The following PTPRD variants were observed in gnomAD, a reference collection of about 807,000 sequenced individuals.
PTPRD encodes protein tyrosine phosphatase receptor type D.
PTPRD carries 34 observed loss-of-function variants against 214.5 expected under a neutral mutation model. That is an observed-to-expected ratio of 0.16 (90% CI 0.12 to 0.21). PTPRD has a LOEUF of 0.21. Among genes scored for constraint, PTPRD ranks in the 10% least tolerant of loss-of-function variants. The probability of loss-of-function intolerance (pLI) is 1.00; values close to 1 mark genes in which losing one functional copy is unlikely to be tolerated. For missense variants in PTPRD, 2,545 were observed against 2,398.7 expected (o/e 1.06, Z -1.27); for synonymous variants, 1,128 against 845.7 (o/e 1.33, Z -5.79).
At chr9:9,229,589 G>T (rs1357339313) in intron 9 of PTPRD, among the ~76,000 whole-genome samples, 1 of 152,022 alleles carries the variant, frequency 6.6e-6, no homozygotes, top group Admixed American at 6.6e-5. Context: ...TATTCAAATG[G>T]CTGACAAATA....
intron 42 of PTPRD, 85 bp downstream of exon 42, chr9:8,340,257 CT>C: frequency 7.1e-7 from 1 of 1,413,730 alleles, no homozygotes; most frequent in Non-Finnish European, 9.4e-7. Context: ...AAAAAATGAT[CT>C]AGCACAAGAG....
chr9:9,964,838 TTC>T (rs1369487313), intron 4 of PTPRD, among the ~76,000 whole-genome samples: 7 of 152,136 alleles, frequency 4.6e-5, no homozygotes, highest in South Asian at 2.1e-4. Context: ...TTTGTATGCT[TTC>T]TGTTTCAACC....
At chr9:8,712,544 G>A (rs1174174303) in intron 12 of PTPRD, among the ~76,000 whole-genome samples, 1 of 151,726 alleles carries the variant, frequency 6.6e-6, no homozygotes, top group African/African-American at 2.4e-5. Context: ...CCAGGATCCA[G>A]AACAACAGTC....
At chr9:9,796,675 G>A (rs1030232486) in intron 5 of PTPRD, among the ~76,000 whole-genome samples, 1 of 152,046 alleles carries the variant, frequency 6.6e-6, no homozygotes, top group East Asian at 1.9e-4. Flanking sequence ...AGGTAGGCAA[G>A]AACTAGTAGA....
chr9:8,424,593 G>T (rs543306570), intron 35 of PTPRD, among the ~76,000 whole-genome samples: 68 of 152,114 alleles, frequency 4.5e-4, no homozygotes, highest in South Asian at 3.3e-3. Flanking sequence ...TCTATGGAAA[G>T]ACTATTATGA....
intron 2 of PTPRD, among the ~76,000 whole-genome samples, chr9:10,521,258 A>G (rs1566708743): frequency 1.3e-5 from 2 of 152,132 alleles, no homozygotes; most frequent in Non-Finnish European, 2.9e-5. Flanking sequence ...TCCATGGATG[A>G]AGTTACTACA....
intron 3 of PTPRD, among the ~76,000 whole-genome samples, chr9:10,169,860 T>A (rs553638437): frequency 1.3e-5 from 2 of 152,328 alleles, no homozygotes; most frequent in African/African-American, 4.8e-5. Context: ...CATGCTAGTA[T>A]GCTCAATAGA....
Position 9,333,670 on chromosome 9 carries a change from T to G in PTPRD, c.-203+63779A>C, listed in dbSNP as rs16929175. Among the ~76,000 whole-genome samples the G allele has an allele frequency of 8.3e-4, 126 of 151,630 alleles. 5 individuals are homozygous for G. In the East Asian group the frequency reaches 0.022, roughly 27 times the overall value. On this transcript the variant is annotated intron_variant, in intron 9 of 45. Coordinates refer to ENST00000381196, the MANE Select transcript of PTPRD (RefSeq NM_002839.4). Reference sequence around the variant, plus strand: ...GTATGACTAACATACCATGTAATCTTGAACGTGCCACTTGGTTTCCTGACA... The same window carrying G: ...GTATGACTAACATACCATGTAATCTGGAACGTGCCACTTGGTTTCCTGACA...
At chr9:8,726,588 A>AATATAT (rs1162966341) in intron 12 of PTPRD, among the ~76,000 whole-genome samples, 9 of 9,678 alleles carry the variant, frequency 9.3e-4, no homozygotes, top group African/African-American at 1.6e-3. Context: ...AAAAAAAAAA[A>AATATAT]ATATATATAT....
At chr9:10,164,490 C>T (rs189037698) in intron 3 of PTPRD, among the ~76,000 whole-genome samples, 23 of 151,420 alleles carry the variant, frequency 1.5e-4, no homozygotes, top group African/African-American at 5.3e-4. Flanking sequence ...AAAAAATCTC[C>T]TTTTACAAGG....
At chr9:10,606,468 C>T (rs62535923) in intron 2 of PTPRD, among the ~76,000 whole-genome samples, 15,867 of 151,290 alleles carry the variant, frequency 0.1, 1,139 homozygotes, top group Admixed American at 0.21. Flanking sequence ...ACAGGTTTTT[C>T]GTAAGTGGCC....
chr9:8,863,594 C>A, intron 11 of PTPRD, among the ~76,000 whole-genome samples: 1 of 152,116 alleles, frequency 6.6e-6, no homozygotes, highest in Non-Finnish European at 1.5e-5. Flanking sequence ...TGTTTCCTAA[C>A]AAAATTGTGT....
intron 8 of PTPRD, among the ~76,000 whole-genome samples, chr9:9,409,787 T>A (rs1487877653): frequency 6.6e-6 from 1 of 152,136 alleles, no homozygotes; most frequent in East Asian, 1.9e-4. Context: ...TGTATGTCAG[T>A]ATCTCAATGA....
chr9:9,765,275 A>C (rs2098697153), intron 6 of PTPRD, among the ~76,000 whole-genome samples: 2 of 152,198 alleles, frequency 1.3e-5, no homozygotes, highest in Admixed American at 6.5e-5. Flanking sequence ...CACTGCAGAA[A>C]ACATAGAGTA....
chr9:10,497,749 T>C, intron 2 of PTPRD, among the ~76,000 whole-genome samples: 1 of 152,036 alleles, frequency 6.6e-6, no homozygotes, highest in Non-Finnish European at 1.5e-5. Flanking sequence ...TACTTAACTA[T>C]GTAATATATA....
intron 39 of PTPRD, among the ~76,000 whole-genome samples, chr9:8,369,832 T>A (rs986696170): frequency 4.6e-5 from 7 of 152,094 alleles, no homozygotes; most frequent in Non-Finnish European, 7.4e-5. Flanking sequence ...TCTAGTATCA[T>A]GGGTCAAGGT....
At position 10,436,777 on chromosome 9, in the gene PTPRD, T is replaced by G. The variant is rs114137820; in HGVS notation, c.-599-95760A>C. Among the ~76,000 whole-genome samples, 270 of 151,928 alleles carry G rather than the reference T, an allele frequency of 1.8e-3. 1 individual carries two copies. The highest frequency in any genetic ancestry group is 6.0e-3 in the African/African-American group (251 of 41,514). ...TCTCTGTCCAAAATACTGACAGGTT[T>G]TCTGTCCACGAGCTTGTCAAACATT... On this transcript the variant is annotated intron_variant, in intron 2 of 45. Transcript: ENST00000381196.
chr9:8,767,283 A>C (rs1032673359), intron 11 of PTPRD, among the ~76,000 whole-genome samples: 5 of 151,892 alleles, frequency 3.3e-5, no homozygotes, highest in African/African-American at 1.2e-4. Flanking sequence ...ACAACCAGCT[A>C]ATTTTTGTAT....
At chr9:8,895,557 T>C (rs528554450) in intron 11 of PTPRD, among the ~76,000 whole-genome samples, 1 of 152,282 alleles carries the variant, frequency 6.6e-6, no homozygotes, top group East Asian at 1.9e-4. Context: ...TATGAATAAA[T>C]AAAATCGAGA....
Sources: allele counts gnomAD v4.1 joint callset (sites outside exome capture counted in the v4.1 genomes callset), GRCh38; gene constraint gnomAD v4.1.1; transcripts MANE v1.5; gene names NCBI Gene and HGNC (gene_info 2026-07-23, HGNC 2026-07-21).